UST: variants seen among roughly 807,000 people sequenced by gnomAD.
UST encodes chondroitin sulfate 2-O-sulfotransferase.
In UST, 21 loss-of-function variants were observed where a neutral mutation model predicts 45.6. The observed-to-expected ratio is 0.46, with a 90% CI of 0.33 to 0.66. UST has a LOEUF of 0.66. Ranked by LOEUF, UST falls within the 30% of genes least tolerant of loss-of-function variation. UST has a pLI of 0.02. For missense variants in UST, 463 were observed against 512.4 expected, an observed-to-expected ratio of 0.90 and a Z score of 0.93; for synonymous variants, 215 against 200.6, an observed-to-expected ratio of 1.07 and a Z score of -0.61.
chr6:148,945,028 A>G (rs1376279320), intron 3 of UST, among the ~76,000 whole-genome samples: 1 of 152,244 alleles, frequency 6.6e-6, no homozygotes, highest in Admixed American at 6.5e-5. Context: ...TATTACAACT[A>G]TGAGAATCCA....
In UST at chr6:148,770,458, G is replaced by A. The variant is rs6903915; in HGVS notation, c.247+22781G>A. 9.0e-3 allele frequency among the ~76,000 whole-genome samples: 1,361 copies of A among 151,048 alleles called. 18 individuals are homozygous for A. Among genetic ancestry groups the A allele is most frequent in the African/African-American group, 0.031 (1,289 of 41,052 alleles). The stretch of plus-strand genomic sequence containing the variant: ...AAACCATGGTAGGGGAAGGGAAGAG[G>A]GTTGCTGCAAGGTAGGCGCCTACAG... On this transcript the variant is annotated intron_variant, in intron 1 of 7. Coordinates refer to ENST00000367463, the MANE Select transcript of UST (RefSeq NM_005715.3).
chr6:148,832,540 G>A (rs1313840918), intron 1 of UST, among the ~76,000 whole-genome samples: 2 of 152,228 alleles, frequency 1.3e-5, no homozygotes, highest in African/African-American at 4.8e-5. Context: ...ATCCCATAGA[G>A]TGAAATAACC....
At chr6:148,899,321 G>C (rs558426245) in intron 2 of UST, among the ~76,000 whole-genome samples, 1 of 152,012 alleles carries the variant, frequency 6.6e-6, no homozygotes, top group Non-Finnish European at 1.5e-5. Flanking sequence ...GAATGGTCTC[G>C]ATCTCCTGAC....
At chr6:149,017,895 T>C (rs1775928109) in intron 5 of UST, among the ~76,000 whole-genome samples, 1 of 151,950 alleles carries the variant, frequency 6.6e-6, no homozygotes, top group Admixed American at 6.6e-5. Flanking sequence ...TCTTGCATTT[T>C]AATGGGTTTT....
chr6:148,877,895 G>T (rs1287339563), intron 1 of UST, among the ~76,000 whole-genome samples: 16 of 120,124 alleles, frequency 1.3e-4, no homozygotes, highest in Non-Finnish European at 2.8e-4. Flanking sequence ...TATGAGTTTG[G>T]GGGGTCATGT....
chr6:148,848,100 G>A (rs61179713), intron 1 of UST, among the ~76,000 whole-genome samples: 13,386 of 152,274 alleles, frequency 0.088, 623 homozygotes, highest in Non-Finnish European at 0.11. Context: ...TCATATAAAA[G>A]TAACTTGTCA....
At chr6:148,795,542 T>A (rs1389704100) in intron 1 of UST, among the ~76,000 whole-genome samples, 1 of 152,140 alleles carries the variant, frequency 6.6e-6, no homozygotes, top group Non-Finnish European at 1.5e-5. Context: ...GCTTTTTTTC[T>A]CTACTATATA....
chr6:148,892,154 A>G (rs1779032226), intron 2 of UST, among the ~76,000 whole-genome samples: 2 of 152,220 alleles, frequency 1.3e-5, no homozygotes, highest in Admixed American at 1.3e-4. Flanking sequence ...TTAATCTATC[A>G]TGTCATCATC....
intron 1 of UST, among the ~76,000 whole-genome samples, chr6:148,788,587 T>C (rs1449814567): frequency 6.6e-6 from 1 of 152,132 alleles, no homozygotes; most frequent in Non-Finnish European, 1.5e-5. Context: ...CATATAATAA[T>C]TTTCTGACAC....
intron 7 of UST, among the ~76,000 whole-genome samples, chr6:149,023,821 A>G (rs1210498077): frequency 1.3e-5 from 2 of 152,200 alleles, no homozygotes; most frequent in African/African-American, 4.8e-5. Context: ...GTGGTATATC[A>G]TATTGACTTC....
intron 1 of UST, among the ~76,000 whole-genome samples, chr6:148,815,476 C>A (rs925044298): frequency 4.6e-5 from 7 of 152,148 alleles, no homozygotes; most frequent in Non-Finnish European, 1.0e-4. Context: ...CAAGCCTCTG[C>A]CCCACTCCCC....
rs192540501 is a variant in UST at position 149,008,972 on chromosome 6, T to C, written c.682-10167T>C. Among the ~76,000 whole-genome samples, 1,044 of 152,276 alleles carry C rather than the reference T, an allele frequency of 6.9e-3. 12 individuals carry two copies. Among genetic ancestry groups the C allele is most frequent in the African/African-American group, 0.024 (1,000 of 41,546 alleles). Reference sequence around the variant, plus strand: ...TTAAATATGAATGGACAAGAAAACATCCATAGCTATTTGAAGAAAGACTGC... The same window carrying C: ...TTAAATATGAATGGACAAGAAAACACCCATAGCTATTTGAAGAAAGACTGC... On this transcript the variant is annotated intron_variant, in intron 5 of 7. Coordinates refer to ENST00000367463, the MANE Select transcript of UST (RefSeq NM_005715.3).
At chr6:148,951,624 G>A (rs186702781) in intron 3 of UST, among the ~76,000 whole-genome samples, 5 of 152,224 alleles carry the variant, frequency 3.3e-5, no homozygotes, top group African/African-American at 9.6e-5. Context: ...TGCTGGCCAT[G>A]GGGGGAGGAC....
intron 5 of UST, among the ~76,000 whole-genome samples, chr6:148,984,226 G>A (rs1307952283): frequency 6.6e-6 from 1 of 152,176 alleles, no homozygotes; most frequent in Non-Finnish European, 1.5e-5. Flanking sequence ...ATGCACTAAT[G>A]AAAAACACAG....
At chr6:148,914,402 T>A (rs1164017723) in intron 2 of UST, among the ~76,000 whole-genome samples, 1 of 59,934 alleles carries the variant, frequency 1.7e-5, no homozygotes, top group Non-Finnish European at 3.5e-5. Flanking sequence ...GATTGGGGGG[T>A]GGGTGGGGAG....
At chr6:148,890,011 C>T (rs561724039) in intron 2 of UST, among the ~76,000 whole-genome samples, 2 of 151,924 alleles carry the variant, frequency 1.3e-5, no homozygotes, top group South Asian at 2.1e-4. Context: ...GTTTTATAAA[C>T]TCTTTACTAA....
At chr6:148,893,946 G>T (rs1469989823) in intron 2 of UST, among the ~76,000 whole-genome samples, 1 of 152,106 alleles carries the variant, frequency 6.6e-6, no homozygotes, top group African/African-American at 2.4e-5. Flanking sequence ...TGAGCCCAGA[G>T]AGTTGGAGGT....
chr6:148,824,499 C>T (rs1026151654), intron 1 of UST, among the ~76,000 whole-genome samples: 1 of 152,126 alleles, frequency 6.6e-6, no homozygotes, highest in Non-Finnish European at 1.5e-5. Context: ...TGGAGATCCA[C>T]CTCTGGGAGG....
At chr6:149,021,261 C>T (rs371331586) in intron 6 of UST, 63 bp from the exon 7 acceptor site, 49 of 1,520,140 alleles carry the variant, frequency 3.2e-5, no homozygotes, top group Middle Eastern at 2.0e-4. Context: ...GGTAAACTCT[C>T]AGCATCTTGC....
Sources: gnomAD v4.1 joint callset for allele counts (sites outside exome capture counted in the v4.1 genomes callset) on GRCh38, gnomAD v4.1.1 for gene constraint, MANE v1.5 for transcripts, NCBI Gene and HGNC (gene_info 2026-07-23, HGNC 2026-07-21) for gene names.